The following TMPRSS11D variants were observed in gnomAD, a reference collection of about 807,000 sequenced individuals.
TMPRSS11D encodes the protein transmembrane protease serine 11D.
Under a neutral mutation model 44.4 loss-of-function variants are expected in TMPRSS11D, and 32 were observed. That is an observed-to-expected ratio of 0.72 (90% CI 0.54 to 0.97). The LOEUF (loss-of-function observed/expected upper bound fraction) is 0.97. Among genes scored for constraint, TMPRSS11D ranks in the 50% least tolerant of loss-of-function variants. The probability of loss-of-function intolerance (pLI) is 0.00; values close to 1 mark genes in which losing one functional copy is unlikely to be tolerated. For synonymous variants in TMPRSS11D, 179 were observed against 177.9 expected, an observed-to-expected ratio of 1.01 and a Z score of -0.05; for missense variants, 446 against 502.6, an observed-to-expected ratio of 0.89 and a Z score of 1.08.
At chr4:67,828,535 C>T (rs2109659544) in intron 7 of TMPRSS11D, among the ~76,000 whole-genome samples, 1 of 152,210 alleles carries the variant, frequency 6.6e-6, no homozygotes, top group Non-Finnish European at 1.5e-5. Flanking sequence ...ACACCATAGA[C>T]ATCTCAACTG....
At chr4:67,855,829 T>C (rs1321317372) in intron 2 of TMPRSS11D, among the ~76,000 whole-genome samples, 2 of 152,092 alleles carry the variant, frequency 1.3e-5, no homozygotes, top group Non-Finnish European at 2.9e-5. Context: ...AACTCTTAGA[T>C]CTGATATATA....
In TMPRSS11D at chr4:67,822,409, C is replaced by G. The variant is rs762045885; in HGVS notation, c.1185G>C (p.Leu395=). 1 of 1,613,970 alleles carries G rather than the reference C, an allele frequency of 6.2e-7. No individual in the cohort carries two copies. Among genetic ancestry groups the G allele is most frequent in the Admixed American group, 1.7e-5 (1 of 59,968 alleles). The change falls in exon 10 of 10, where the codon CTG becomes CTC. Residue 395 remains leucine, a synonymous_variant. Coordinates refer to ENST00000283916, the MANE Select transcript of TMPRSS11D (RefSeq NM_004262.3). ...GAGTATACACTCCTGGCTTATCCGG[C>G]AGGCCACACTGATCTCCCCAGCTTA... ...GIVSWGDQCG[L]PDKPGVYTRV...
At chr4:67,846,820 A>G (rs1718369427) in intron 3 of TMPRSS11D, among the ~76,000 whole-genome samples, 1 of 152,222 alleles carries the variant, frequency 6.6e-6, no homozygotes, top group Non-Finnish European at 1.5e-5. Flanking sequence ...AAAACAAAAC[A>G]AAAGGAAACT....
chr4:67,867,339 G>A (rs1718949816), intron 1 of TMPRSS11D, among the ~76,000 whole-genome samples: 1 of 152,204 alleles, frequency 6.6e-6, no homozygotes, highest in African/African-American at 2.4e-5. Flanking sequence ...AGTCAAGATG[G>A]ATTAAAGACT....
intron 3 of TMPRSS11D, among the ~76,000 whole-genome samples, chr4:67,843,460 G>A (rs1718282122): frequency 6.6e-6 from 1 of 152,146 alleles, no homozygotes; most frequent in African/African-American, 2.4e-5. Context: ...ACCCTGATGT[G>A]ATTATTAAAC....
Position 67,827,333 on chromosome 4 carries a change from G to A in TMPRSS11D, c.880C>T (p.Pro294Ser). The A allele has an allele frequency of 6.2e-7, 1 of 1,613,240 alleles. No homozygotes were observed. The highest frequency in any genetic ancestry group is 8.5e-7 in the Non-Finnish European group (1 of 1,179,546). ...GGTGGAATATTCTGGGTAGCAGCTG[G>A]GAGACACACACTATGGATATCTTTG... is the stretch of plus-strand genomic sequence containing the variant. ...FTKDIHSVCL[P>S]AATQNIPPGS... Residue 294 changes from proline (P) to serine (S), a missense_variant, in exon 8 of 10, where the codon CCA becomes TCA. Transcript: ENST00000283916.
chr4:67,847,016 T>G (rs1718374287), intron 3 of TMPRSS11D, among the ~76,000 whole-genome samples: 1 of 152,150 alleles, frequency 6.6e-6, no homozygotes, highest in African/African-American at 2.4e-5. Context: ...GTGATTCTCC[T>G]GCCTCTGCCT....
chr4:67,877,317 G>GT (rs1164864870), intron 1 of TMPRSS11D, among the ~76,000 whole-genome samples: 3 of 151,998 alleles, frequency 2.0e-5, no homozygotes, highest in African/African-American at 7.3e-5. Context: ...TTTTGTGTGC[G>GT]TAAGAATTAC....
rs1413386730 is a variant in TMPRSS11D, at chr4:67,859,600, G to A, written c.87C>T (p.Ile29=). The A allele has an allele frequency of 6.2e-7, 1 of 1,613,222 alleles. No homozygotes were observed. Among genetic ancestry groups the A allele is most frequent in the Non-Finnish European group, 8.5e-7 (1 of 1,179,404 alleles). Residue 29 remains isoleucine, a synonymous_variant, in exon 2 of 10, where the codon ATC becomes ATT. Coordinates refer to ENST00000283916, the MANE Select transcript of TMPRSS11D (RefSeq NM_004262.3). The part of the protein sequence containing the change: ...VCFIVVAGVV[I]LAVTIALLVY... ...CAAGTAGAGCTATGGTGACTGCCAG[G>A]ATCACTACCCCTGCGACGACAATGA... is the stretch of plus-strand genomic sequence containing the variant.
At chr4:67,842,441 T>C (rs1718254767) in intron 4 of TMPRSS11D, 117 bp downstream of exon 4, 6 of 965,456 alleles carry the variant, frequency 6.2e-6, no homozygotes, top group Non-Finnish European at 9.5e-6. Flanking sequence ...AAAATACTAT[T>C]TTCATAATAT....
At position 67,859,635 on chromosome 4, in the gene TMPRSS11D, C is replaced by T. The variant is rs917859637; in HGVS notation, c.52G>A (p.Val18Ile). Residue 18 changes from valine (V) to isoleucine (I), a missense_variant, in exon 2 of 10, where the codon GTA becomes ATA. Coordinates refer to ENST00000283916, the MANE Select transcript of TMPRSS11D (RefSeq NM_004262.3). Reference protein sequence around the residue: ...TSTSRFLNPYVVCFIVVAGVV... With the variant: ...TSTSRFLNPYIVCFIVVAGVV... ...CCTGCGACGACAATGAAACATACTA[C>T]ATATGGATTCAGAAATCTTGAAGTC... The T allele has an allele frequency of 1.9e-6, 3 of 1,613,026 alleles. No homozygotes were observed. Among genetic ancestry groups the T allele is most frequent in the African/African-American group, 2.7e-5 (2 of 74,886 alleles).
chr4:67,853,634 A>G (rs1718560727), intron 3 of TMPRSS11D, among the ~76,000 whole-genome samples: 1 of 152,192 alleles, frequency 6.6e-6, no homozygotes, highest in Non-Finnish European at 1.5e-5. Flanking sequence ...TTCTATGTCT[A>G]TCATTGAACC....
In TMPRSS11D at chr4:67,821,981, C is replaced by A. The variant is rs920743542; in HGVS notation, c.*356G>T. On this transcript the variant is annotated 3_prime_UTR_variant, in exon 10 of 10. Coordinates refer to ENST00000283916, the MANE Select transcript of TMPRSS11D (RefSeq NM_004262.3). The stretch of plus-strand genomic sequence containing the variant: ...ATCCTCAGTGAAACCCAGAGAAGAC[C>A]CCTCTGACCCATCAGACCTGTGCAG... 1.8e-5 allele frequency: 3 copies of A among 165,090 alleles called. No homozygotes were observed. The highest frequency in any genetic ancestry group is 7.2e-5 in the African/African-American group (3 of 41,946). The allele number at this position is 165,090 out of a possible 1,614,324, so 10.2% of individuals were successfully genotyped here. A position where few individuals can be genotyped will look rare whatever the true frequency, so the allele number is the denominator to read the frequency against.
chr4:67,880,438 A>AT (rs572440868), intron 1 of TMPRSS11D, among the ~76,000 whole-genome samples: 177 of 151,452 alleles, frequency 1.2e-3, no homozygotes, highest in South Asian at 0.011. Context: ...CAAGGGAGGG[A>AT]TTTTTTTTTA....
chr4:67,860,695 G>C (rs997971789), intron 1 of TMPRSS11D, among the ~76,000 whole-genome samples: 2 of 152,088 alleles, frequency 1.3e-5, no homozygotes, highest in African/African-American at 4.8e-5. Context: ...GTTAATTCTT[G>C]ACATGTTTCA....
intron 1 of TMPRSS11D, among the ~76,000 whole-genome samples, chr4:67,877,409 C>T (rs1383588652): frequency 2.0e-5 from 3 of 152,122 alleles, no homozygotes; most frequent in Admixed American, 6.5e-5. Flanking sequence ...TCTTGCATCT[C>T]AGAGTTCTGC....
At chr4:67,865,845 A>G (rs1718913533) in intron 1 of TMPRSS11D, among the ~76,000 whole-genome samples, 2 of 151,896 alleles carry the variant, frequency 1.3e-5, no homozygotes, top group Admixed American at 1.3e-4. Context: ...TTGAATAAGA[A>G]AAAAAACATC....
intron 1 of TMPRSS11D, among the ~76,000 whole-genome samples, chr4:67,882,864 G>T (rs1027157956): frequency 6.6e-6 from 1 of 151,418 alleles, no homozygotes; most frequent in Non-Finnish European, 1.5e-5. Flanking sequence ...TTTGTGATTT[G>T]TTTTTTTCAC....
At chr4:67,826,781 G>A (rs936907184) in intron 8 of TMPRSS11D, among the ~76,000 whole-genome samples, 31 of 151,636 alleles carry the variant, frequency 2.0e-4, no homozygotes, top group Admixed American at 2.6e-4. Context: ...AAAAAGCTGG[G>A]TATGGTGGTA....
Sources: gnomAD v4.1 joint callset for allele counts (sites outside exome capture counted in the v4.1 genomes callset) on GRCh38, gnomAD v4.1.1 for gene constraint, MANE v1.5 for transcripts, NCBI Gene and HGNC (gene_info 2026-07-23, HGNC 2026-07-21) for gene names.